The following STK4 variants were observed in gnomAD, a reference collection of about 807,000 sequenced individuals.
STK4 encodes serine/threonine kinase 4, also known as serine/threonine-protein kinase 4.
STK4 carries 30 observed loss-of-function variants against 64.9 expected under a neutral mutation model. That is an observed-to-expected ratio of 0.46 (90% CI 0.35 to 0.63). The LOEUF is 0.63. STK4 is among the 20% of genes least tolerant of loss of function. The pLI, the probability that STK4 is intolerant of heterozygous loss-of-function variation, is 0.01. For synonymous variants in STK4, 177 were observed against 199.0 expected (o/e 0.89, Z 0.93); for missense variants, 466 against 598.5 (o/e 0.78, Z 2.31).
intron 10 of STK4, among the ~76,000 whole-genome samples, chr20:45,052,679 G>A (rs1978293392): frequency 6.6e-6 from 1 of 152,142 alleles, no homozygotes; most frequent in African/African-American, 2.4e-5. Context: ...TGTGAATTAA[G>A]CTGGGGTTTT....
chr20:45,011,719 ATATATATATATTTTTTTTTTT>A (rs2068047965), intron 9 of STK4, among the ~76,000 whole-genome samples: 1 of 104,488 alleles, frequency 9.6e-6, no homozygotes, highest in African/African-American at 3.9e-5. Context: ...ATATATATAT[ATATATATATATTTTTTTTTTT>A]TTTTTTAAGT....
At chr20:45,018,374 C>T (rs541344958) in intron 9 of STK4, among the ~76,000 whole-genome samples, 2 of 152,244 alleles carry the variant, frequency 1.3e-5, no homozygotes, top group East Asian at 3.9e-4. Context: ...TATTGGTTTA[C>T]TTAGTGACAG....
At chr20:45,043,550 C>G (rs1053274056) in intron 10 of STK4, among the ~76,000 whole-genome samples, 1 of 152,052 alleles carries the variant, frequency 6.6e-6, no homozygotes. Flanking sequence ...CATTTTGAAC[C>G]TATATGAGAG....
intron 9 of STK4, among the ~76,000 whole-genome samples, chr20:45,008,855 T>C (rs2067996080): frequency 6.6e-6 from 1 of 152,212 alleles, no homozygotes; most frequent in Non-Finnish European, 1.5e-5. Flanking sequence ...TGTCTGTTCA[T>C]GTCCTTTGCC....
In STK4 at chr20:44,990,441, T is replaced by TA. The variant is rs150623113; in HGVS notation, c.525+3153dup. 4.7e-3 allele frequency among the ~76,000 whole-genome samples: 711 copies of TA among 151,992 alleles called. 4 individuals carry two copies. The highest frequency in any genetic ancestry group is 0.016 in the African/African-American group (644 of 41,440). On this transcript the variant is annotated intron_variant, in intron 5 of 10. Transcript: ENST00000372806. ...ACTGTGAACATGTATGTTGTTTTGTTAAAAAAAATGAGATTTTTTTTCCTT... is the reference window on the plus strand; with the variant it reads ...ACTGTGAACATGTATGTTGTTTTGTTAAAAAAAAATGAGATTTTTTTTCCTT...
chr20:45,035,585 T>C (rs1697013682), intron 10 of STK4, among the ~76,000 whole-genome samples: 2 of 152,198 alleles, frequency 1.3e-5, no homozygotes, highest in Non-Finnish European at 2.9e-5. Flanking sequence ...CACATATTAA[T>C]TCAATCTATA....
chr20:45,010,671 A>G (rs917243415), intron 9 of STK4, among the ~76,000 whole-genome samples: 21 of 152,200 alleles, frequency 1.4e-4, no homozygotes, highest in Non-Finnish European at 1.5e-4. Context: ...GTTCTGAATC[A>G]TTAGATTATA....
At chr20:45,071,416 T>A (rs555819187) in intron 10 of STK4, among the ~76,000 whole-genome samples, 4 of 152,310 alleles carry the variant, frequency 2.6e-5, no homozygotes, top group African/African-American at 9.6e-5. Flanking sequence ...TGAGCTTGTT[T>A]TTCGGAAAAA....
intron 10 of STK4, among the ~76,000 whole-genome samples, chr20:45,029,843 A>T (rs1310272164): frequency 6.6e-6 from 1 of 152,210 alleles, no homozygotes; most frequent in Non-Finnish European, 1.5e-5. Context: ...TCTATTAGGT[A>T]CTATAGAAAT....
chr20:45,042,875 T>C (rs1364380683), intron 10 of STK4, among the ~76,000 whole-genome samples: 1 of 145,262 alleles, frequency 6.9e-6, no homozygotes, highest in Non-Finnish European at 1.5e-5. Context: ...CAGGGGCACA[T>C]GTGCAGGATG....
At chr20:45,058,473 TTTTTC>T (rs1324228334) in intron 10 of STK4, among the ~76,000 whole-genome samples, 1 of 152,204 alleles carries the variant, frequency 6.6e-6, no homozygotes, top group Non-Finnish European at 1.5e-5. Flanking sequence ...TAAGCATTCT[TTTTTC>T]TTTTATGTGT....
intron 2 of STK4, chr20:44,973,083 G>A (rs189237127): frequency 1.3e-5 from 2 of 152,100 alleles, no homozygotes; most frequent in East Asian, 3.9e-4. Flanking sequence ...CTGGATCAAG[G>A]GAAGACCTGA....
chr20:45,000,246 T>C, intron 7 of STK4, 146 bp from the exon 8 acceptor site: 6 of 1,095,944 alleles, frequency 5.5e-6, no homozygotes, highest in Non-Finnish European at 7.6e-6. Flanking sequence ...CGAGTGTGGT[T>C]TAGCTGTTGT....
chr20:45,049,366 C>T (rs1007974771), intron 10 of STK4, among the ~76,000 whole-genome samples: 2 of 152,218 alleles, frequency 1.3e-5, no homozygotes, highest in African/African-American at 4.8e-5. Context: ...TTTCTACCCC[C>T]TCCCAAGTGC....
intron 10 of STK4, among the ~76,000 whole-genome samples, chr20:45,053,399 T>G (rs568276201): frequency 1.3e-4 from 20 of 152,356 alleles, no homozygotes; most frequent in Non-Finnish European, 2.2e-4. Context: ...GTTCGGAGAC[T>G]GCTTGATCCA....
At chr20:45,033,824 C>T (rs572055491) in intron 10 of STK4, among the ~76,000 whole-genome samples, 1 of 152,126 alleles carries the variant, frequency 6.6e-6, no homozygotes, top group Non-Finnish European at 1.5e-5. Context: ...GGGTGATCTA[C>T]CCACCTCGGC....
chr20:45,011,729 ATTTTTTTTT>A (rs869113711), intron 9 of STK4, among the ~76,000 whole-genome samples: 42 of 115,334 alleles, frequency 3.6e-4, no homozygotes, highest in Middle Eastern at 4.9e-3. Context: ...ATATATATAT[ATTTTTTTTT>A]TTTTTTTTAA....
intron 10 of STK4, among the ~76,000 whole-genome samples, chr20:45,054,366 C>G (rs1053576003): frequency 3.3e-5 from 5 of 152,068 alleles, no homozygotes; most frequent in African/African-American, 9.7e-5. Context: ...GAGTTTGAGA[C>G]CAGCCTGACC....
At position 44,997,317 on chromosome 20, in the gene STK4, C is replaced by T. The variant is rs2067751917; in HGVS notation, c.831+11C>T. On this transcript the variant is annotated intron_variant, in intron 7 of 10. Transcript: ENST00000372806. ...ACTCAGCTCCTGCAGGTATGAATCACCCTGTGATGCCATCTCGCTCCATTT... is the reference window on the plus strand; with the variant it reads ...ACTCAGCTCCTGCAGGTATGAATCATCCTGTGATGCCATCTCGCTCCATTT... The T allele has an allele frequency of 1.9e-6, 3 of 1,578,202 alleles. No homozygotes were observed. Among genetic ancestry groups the T allele is most frequent in the Non-Finnish European group, 2.6e-6 (3 of 1,166,118 alleles).
Sources: gnomAD v4.1 joint callset for allele counts (sites outside exome capture counted in the v4.1 genomes callset) on GRCh38, gnomAD v4.1.1 for gene constraint, MANE v1.5 for transcripts, NCBI Gene and HGNC (gene_info 2026-07-23, HGNC 2026-07-21) for gene names.